The following PLCL1 variants were observed in gnomAD, a reference collection of about 807,000 sequenced individuals.
PLCL1 encodes phospholipase C like 1 (inactive).
Under a neutral mutation model 84.4 loss-of-function variants are expected in PLCL1, and 41 were observed. That is an observed-to-expected ratio of 0.49 (90% CI 0.38 to 0.63). PLCL1 has a LOEUF of 0.63. PLCL1 is among the 30% of genes least tolerant of loss of function. The pLI is 0.00. For missense variants in PLCL1, 1,206 were observed against 1,367.8 expected (o/e 0.88, Z 1.87); for synonymous variants, 490 against 488.3 (o/e 1.00, Z -0.05).
At chr2:197,906,777 CA>C (rs1688390807) in intron 1 of PLCL1, among the ~76,000 whole-genome samples, 1 of 152,186 alleles carries the variant, frequency 6.6e-6, no homozygotes, top group Non-Finnish European at 1.5e-5. Context: ...AGGTCCTTCA[CA>C]TCCCTTGTAA....
chr2:197,996,777 C>T (rs1303050798), intron 1 of PLCL1, among the ~76,000 whole-genome samples: 1 of 152,142 alleles, frequency 6.6e-6, no homozygotes, highest in Non-Finnish European at 1.5e-5. Context: ...CACTAGTTAT[C>T]AGAATGCAGG....
rs957899260 is a variant in PLCL1, at chr2:197,805,634, G to A, written c.240+295G>A. ...CTGCAAGCTTCACTAAACCGTTGAT[G>A]GAGGGAGGAAGGGAGAACTCTGGAT... On this transcript the variant is annotated intron_variant, in intron 1 of 5. Coordinates refer to ENST00000428675, the MANE Select transcript of PLCL1 (RefSeq NM_006226.4). This position sits in a 1 kb window ranked among gnomAD's most constrained non-coding sequence, Gnocchi z 4.0. Among the ~76,000 whole-genome samples, 2 of 152,210 alleles carry A rather than the reference G, an allele frequency of 1.3e-5. No individual in the cohort carries two copies. Among genetic ancestry groups the A allele is most frequent in the African/African-American group, 4.8e-5 (2 of 41,454 alleles).
intron 1 of PLCL1, among the ~76,000 whole-genome samples, chr2:198,059,826 G>A (rs748232238): frequency 6.6e-6 from 1 of 152,206 alleles, no homozygotes. Flanking sequence ...GTAGGAAAGA[G>A]ATGGCATTTT....
At chr2:198,071,827 T>C (rs1692471511) in intron 1 of PLCL1, among the ~76,000 whole-genome samples, 5 of 151,996 alleles carry the variant, frequency 3.3e-5, no homozygotes, top group Admixed American at 3.3e-4. Context: ...TATACAAATA[T>C]ACTCTTATAG....
intron 1 of PLCL1, among the ~76,000 whole-genome samples, chr2:197,953,287 T>C (rs1689423506): frequency 6.6e-6 from 1 of 152,102 alleles, no homozygotes; most frequent in Admixed American, 6.6e-5. Flanking sequence ...TTACCAGTGC[T>C]GCTTCCTTCA....
chr2:198,053,375 T>G (rs574449320), intron 1 of PLCL1, among the ~76,000 whole-genome samples: 4 of 152,212 alleles, frequency 2.6e-5, no homozygotes, highest in Admixed American at 6.5e-5. Flanking sequence ...CTGCTGTGTT[T>G]GCTTTGTGGC....
intron 1 of PLCL1, among the ~76,000 whole-genome samples, chr2:198,055,521 G>GCC (rs35503807): frequency 6.9e-5 from 10 of 144,836 alleles, no homozygotes; most frequent in Admixed American, 2.0e-4. Flanking sequence ...CTTTTATTTT[G>GCC]TTTTTTTTTT....
At chr2:198,024,388 A>G (rs1691212737) in intron 1 of PLCL1, among the ~76,000 whole-genome samples, 1 of 150,620 alleles carries the variant, frequency 6.6e-6, no homozygotes, top group Admixed American at 6.6e-5. Flanking sequence ...CTCAGAACCT[A>G]AAGTATAATA....
At chr2:198,049,471 C>T (rs900905112) in intron 1 of PLCL1, among the ~76,000 whole-genome samples, 6 of 152,138 alleles carry the variant, frequency 3.9e-5, no homozygotes, top group African/African-American at 1.2e-4. Context: ...GGCAAGACCC[C>T]TTCTCTTACA....
chr2:197,891,678 T>A (rs1468368261), intron 1 of PLCL1, among the ~76,000 whole-genome samples: 1 of 151,696 alleles, frequency 6.6e-6, no homozygotes, highest in African/African-American at 2.4e-5. Context: ...ATTATGGAAA[T>A]GTTTTCCCAG....
intron 5 of PLCL1, among the ~76,000 whole-genome samples, chr2:198,140,046 G>C (rs1220855699): frequency 6.6e-6 from 1 of 151,910 alleles, no homozygotes; most frequent in East Asian, 1.9e-4. Context: ...CAATTTTCCT[G>C]CCTCAGCCTC....
At chr2:197,863,115 T>TCTA (rs1687463961) in intron 1 of PLCL1, among the ~76,000 whole-genome samples, 1 of 151,916 alleles carries the variant, frequency 6.6e-6, no homozygotes, top group Non-Finnish European at 1.5e-5. Context: ...GGAACTCTGC[T>TCTA]GGGTAAATAT....
intron 3 of PLCL1, 71 bp from the exon 4 acceptor site, chr2:198,101,214 G>A: frequency 1.2e-6 from 1 of 865,362 alleles, no homozygotes. Flanking sequence ...GGGTCTCTCT[G>A]TATGTCGTCT....
intron 1 of PLCL1, among the ~76,000 whole-genome samples, chr2:197,894,103 C>T (rs1249032123): frequency 6.6e-6 from 1 of 151,834 alleles, no homozygotes; most frequent in African/African-American, 2.4e-5. Context: ...CACCAGCTGA[C>T]TTCTATTTAA....
rs111521255 is a variant in PLCL1, at chr2:197,937,009, G to A, written c.240+131670G>A. On this transcript the variant is annotated intron_variant, in intron 1 of 5. Transcript: ENST00000428675. ...TCTTTCTTCTGCATATGGATACCCA[G>A]TTTTCCCAGAACTATTTATTGAAGA... Among the ~76,000 whole-genome samples, 12 of 152,272 alleles carry A rather than the reference G, an allele frequency of 7.9e-5. 1 individual carries two copies. The highest frequency in any genetic ancestry group is 2.9e-4 in the African/African-American group (12 of 41,574).
At position 198,084,882 on chromosome 2, in the gene PLCL1, C is replaced by A. The variant is rs770168031; in HGVS notation, c.1365C>A (p.Ile455=). 9.3e-6 allele frequency: 15 copies of A among 1,613,916 alleles called. No individual in the cohort carries two copies. The highest frequency in any genetic ancestry group is 1.2e-5 in the Non-Finnish European group (14 of 1,179,922). ...DVSDGSDNEP[I]LCNRNNMTTH... ...GTGATGGTTCAGATAATGAACCAAT[C>A]CTTTGTAATCGAAATAACATGACAA... Residue 455 remains isoleucine (I), a synonymous_variant, in exon 2 of 6, where the codon ATC becomes ATA. Coordinates refer to ENST00000428675, the MANE Select transcript of PLCL1 (RefSeq NM_006226.4).
chr2:198,009,916 T>A (rs1004273717), intron 1 of PLCL1, among the ~76,000 whole-genome samples: 2 of 152,060 alleles, frequency 1.3e-5, no homozygotes, highest in African/African-American at 4.8e-5. Flanking sequence ...AGTTTTTTCC[T>A]AAGTATTTAA....
chr2:197,902,268 G>A (rs1688282936), intron 1 of PLCL1, among the ~76,000 whole-genome samples: 1 of 152,124 alleles, frequency 6.6e-6, no homozygotes. Flanking sequence ...TATAGACCCT[G>A]GAATGGATAT....
rs563956173 is a variant in PLCL1 at position 198,094,275 on chromosome 2, A to C, written c.2919+5214A>C. On this transcript the variant is annotated intron_variant, in intron 3 of 5. Coordinates refer to ENST00000428675, the MANE Select transcript of PLCL1 (RefSeq NM_006226.4). ...ACAGGGTTTCACCATGTTAGCCAGG[A>C]TGGTCTTGATCTCCTGACCTCGTGA... Among the ~76,000 whole-genome samples the C allele has an allele frequency of 6.6e-5, 10 of 152,138 alleles. No individual in the cohort carries two copies. The South Asian group carries it at 1.7e-3, about 25-fold the overall frequency.
Sources: gnomAD v4.1 joint callset for allele counts (sites outside exome capture counted in the v4.1 genomes callset) on GRCh38, gnomAD v4.1.1 for gene constraint, Gnocchi (gnomAD v3.1) non-coding constraint, MANE v1.5 for transcripts, NCBI Gene and HGNC (gene_info 2026-07-23, HGNC 2026-07-21) for gene names.